Variants in FCRL4 observed in about 807,000 individuals in gnomAD.
FCRL4 encodes the protein Fc receptor-like protein 4.
A neutral mutation model predicts 64.1 loss-of-function variants in FCRL4; 43 were observed. That is an observed-to-expected ratio of 0.67 (90% CI 0.53 to 0.87). The LOEUF (loss-of-function observed/expected upper bound fraction) is 0.87, where lower values mean the gene tolerates loss of function less well. Ranked by LOEUF, FCRL4 falls within the 40% of genes least tolerant of loss-of-function variation. FCRL4 has a pLI of 0.00. For synonymous variants in FCRL4, 253 were observed against 239.8 expected, an observed-to-expected ratio of 1.05 and a Z score of -0.51; for missense variants, 656 against 613.5, an observed-to-expected ratio of 1.07 and a Z score of -0.73.
At chr1:157,589,606 G>C in intron 2 of FCRL4, 148 bp from the exon 3 acceptor site, 4 of 965,222 alleles carry the variant, frequency 4.1e-6, no homozygotes, top group Non-Finnish European at 6.0e-6. Flanking sequence ...CAGGTGAGCT[G>C]TGCTCACCTC....
chr1:157,593,625 C>T (rs1652888071), intron 2 of FCRL4, among the ~76,000 whole-genome samples: 1 of 152,110 alleles, frequency 6.6e-6, no homozygotes, highest in East Asian at 1.9e-4. Context: ...TTTGCAGCTT[C>T]TTAGTGGGTT....
Position 157,598,023 on chromosome 1 carries a change from C to T in FCRL4, c.-79G>A. 4 of 1,031,508 alleles carry T rather than the reference C, an allele frequency of 3.9e-6. No homozygotes were observed. Among genetic ancestry groups the T allele is most frequent in the Non-Finnish European group, 6.1e-6 (4 of 657,428 alleles). 63.9% of individuals were successfully genotyped at this position (1,031,508 alleles called of 1,614,324 possible). A position where few individuals can be genotyped will look rare whatever the true frequency, so the allele number is the denominator to read the frequency against. On this transcript the variant is annotated 5_prime_UTR_variant, in exon 1 of 12. It removes the in-frame stop codon of an upstream open reading frame in the 5' UTR. Coordinates refer to ENST00000271532, the MANE Select transcript of FCRL4 (RefSeq NM_031282.3). ...CCCAGATTGCCAAAGCAGCACTTGC[C>T]TACACCAGCACCAGCAGTGAGCTCA... is the stretch of plus-strand genomic sequence containing the variant.
intron 5 of FCRL4, 66 bp downstream of exon 5, chr1:157,587,209 TC>T (rs1652720287): frequency 6.4e-7 from 1 of 1,552,666 alleles, no homozygotes; most frequent in Non-Finnish European, 8.8e-7. Flanking sequence ...TGCTACATAG[TC>T]CCCATGCCTA....
chr1:157,579,769 A>G (rs1652520479), intron 8 of FCRL4, among the ~76,000 whole-genome samples: 1 of 151,646 alleles, frequency 6.6e-6, no homozygotes. Flanking sequence ...TTACATTGTA[A>G]TGTCTGTACA....
chr1:157,585,414 C>CCTTCTTTCTTTCTTTCCTTT (rs1652668657), intron 6 of FCRL4, among the ~76,000 whole-genome samples: 1 of 114,482 alleles, frequency 8.7e-6, no homozygotes, highest in East Asian at 2.6e-4. Context: ...TTCTTTCTTT[C>CCTTCTTTCTTTCTTTCCTTT]TTTCTTTCCT....
At chr1:157,583,542 C>T (rs944469906) in intron 6 of FCRL4, among the ~76,000 whole-genome samples, 1 of 152,130 alleles carries the variant, frequency 6.6e-6, no homozygotes, top group Non-Finnish European at 1.5e-5. Flanking sequence ...AGAAGAAACA[C>T]CAGAAAGGTT....
In FCRL4 at chr1:157,590,323, C is replaced by T. The variant is rs141854194; in HGVS notation, c.53-865G>A. 6.0e-4 allele frequency among the ~76,000 whole-genome samples: 91 copies of T among 152,140 alleles called. 2 individuals carry two copies. The highest frequency in any genetic ancestry group is 2.1e-3 in the African/African-American group (89 of 41,512). On this transcript the variant is annotated intron_variant, in intron 2 of 11. Coordinates refer to ENST00000271532, the MANE Select transcript of FCRL4 (RefSeq NM_031282.3). ...AACCAAAAATCTGAAATATGAAATG[C>T]TCCAATGAGCATTTCTTTTGATCAT...
Position 157,589,409 on chromosome 1 carries a change from G to C in FCRL4, c.102C>G (p.Phe34Leu), listed in dbSNP as rs1171226136. Reference protein sequence around the residue: ...VISVHPPWTTFFKGERVTLTC... With the variant: ...VISVHPPWTTLFKGERVTLTC... ...TCAGAGTCACTCTCTCTCCTTTGAA[G>C]AATGTGGTCCATGGAGGATGGACGG... The change falls in exon 3 of 12, where the codon TTC becomes TTG. Residue 34 changes from phenylalanine to leucine, a missense_variant. Physicochemically the swap from Phe to Leu is conservative, Grantham distance 22. Transcript: ENST00000271532. The C allele has an allele frequency of 1.2e-6, 2 of 1,614,208 alleles. No individual in the cohort carries two copies. Among genetic ancestry groups the C allele is most frequent in the Admixed American group, 3.3e-5 (2 of 60,026 alleles).
Position 157,589,221 on chromosome 1 carries a change from C to A in FCRL4, c.290G>T (p.Arg97Leu), listed in dbSNP as rs200366937. 2 of 1,613,690 alleles carry A rather than the reference C, an allele frequency of 1.2e-6. No individual in the cohort carries two copies. The highest frequency in any genetic ancestry group is 2.2e-5 in the East Asian group (1 of 44,850). The part of the protein sequence containing the change: ...ARGSPRSNPV[R>L]LLFSSDSLIL... The stretch of plus-strand genomic sequence containing the variant: ...TTTCTCACCTGAAGAAAAGAGCAAG[C>A]GCACAGGGTTACTTCGTGGGGAGCC... The change falls in exon 3 of 12, where the codon CGC (arginine) becomes CTC (leucine). Residue 97 changes from arginine (R) to leucine (L), a missense_variant. By Grantham distance (102) the Arg-to-Leu change is moderately radical (BLOSUM62 -2). Coordinates refer to ENST00000271532, the MANE Select transcript of FCRL4 (RefSeq NM_031282.3).
At chr1:157,593,220 G>A (rs1652877848) in intron 2 of FCRL4, among the ~76,000 whole-genome samples, 1 of 152,082 alleles carries the variant, frequency 6.6e-6, no homozygotes, top group Admixed American at 6.6e-5. Flanking sequence ...ATGTATCTTA[G>A]AACTTATAGT....
At chr1:157,580,457 C>T (rs1652535675) in intron 7 of FCRL4, 109 bp from the exon 8 acceptor site, 8 of 1,132,288 alleles carry the variant, frequency 7.1e-6, no homozygotes, top group South Asian at 3.8e-5. Context: ...TCAATTCAAA[C>T]ACCTGCCCAG....
In FCRL4 at chr1:157,578,770, C is replaced by G; in HGVS notation, c.1360G>C (p.Val454Leu). The change falls in exon 9 of 12, where the codon GTA (valine) becomes CTA (leucine). Residue 454 changes from valine to leucine, a missense_variant and splice_region_variant. Physicochemically the swap from Val to Leu is conservative, Grantham distance 32. Coordinates refer to ENST00000271532, the MANE Select transcript of FCRL4 (RefSeq NM_031282.3). ...CAGCTTCCTAGAAGGGAATCCTCAC[C>G]ATCAACATACAACGACTGAAGCTCC... ...QVELQSLYVD[V>L]HPKKGDLVYS... The G allele has an allele frequency of 1.9e-6, 3 of 1,613,740 alleles. No homozygotes were observed. The highest frequency in any genetic ancestry group is 1.7e-6 in the Non-Finnish European group (2 of 1,179,742).
At position 157,574,831 on chromosome 1, in the gene FCRL4, T is replaced by C. The variant is rs1475342797; in HGVS notation, c.*693A>G. The C allele has an allele frequency of 2.4e-5, 5 of 209,010 alleles. No individual in the cohort carries two copies. The highest frequency in any genetic ancestry group is 1.9e-4 in the South Asian group (1 of 5,312). 12.9% of individuals were successfully genotyped at this position (209,010 alleles called of 1,614,324 possible). On this transcript the variant is annotated 3_prime_UTR_variant, in exon 12 of 12. Transcript: ENST00000271532. ...GTTTTTAATTTTATATTTGTGTCTC[T>C]TTTCTCTAATGTTGCAAATCTTTGT...
At chr1:157,595,854 CAG>C (rs1453516060) in intron 2 of FCRL4, among the ~76,000 whole-genome samples, 1 of 152,174 alleles carries the variant, frequency 6.6e-6, no homozygotes, top group Non-Finnish European at 1.5e-5. Flanking sequence ...GATGGAGACT[CAG>C]AGTCATCATA....
intron 6 of FCRL4, among the ~76,000 whole-genome samples, chr1:157,582,777 G>A (rs1320780340): frequency 6.6e-6 from 1 of 152,194 alleles, no homozygotes; most frequent in Admixed American, 6.5e-5. Context: ...TCAGTGGACA[G>A]CCAGCCCAGC....
intron 4 of FCRL4, 59 bp from the exon 5 acceptor site, chr1:157,587,619 A>G: frequency 6.4e-7 from 1 of 1,551,746 alleles, no homozygotes; most frequent in South Asian, 1.2e-5. Context: ...TCTGTGAGAG[A>G]CAGGTTTGGA....
rs778793346 is a variant in FCRL4 at position 157,581,659 on chromosome 1, C to G, written c.1136-15G>C. The stretch of plus-strand genomic sequence containing the variant: ...GCCTGGGGTCTCTAAGGGGAAAGGA[C>G]CTGTGTGAATCTCAGTGGAGAGGTT... On this transcript the variant is annotated splice_polypyrimidine_tract_variant and intron_variant, in intron 6 of 11. Coordinates refer to ENST00000271532, the MANE Select transcript of FCRL4 (RefSeq NM_031282.3). 6.2e-7 allele frequency: 1 copy of G among 1,603,358 alleles called. No homozygotes were observed. The highest frequency in any genetic ancestry group is 1.1e-5 in the South Asian group (1 of 90,630).
At chr1:157,576,216 C>G (rs187866560) in intron 10 of FCRL4, among the ~76,000 whole-genome samples, 4 of 152,246 alleles carry the variant, frequency 2.6e-5, no homozygotes, top group Admixed American at 6.5e-5. Flanking sequence ...GTAAGTTTAG[C>G]AGATGTGATT....
At chr1:157,576,067 C>T (rs1475917945) in intron 10 of FCRL4, among the ~76,000 whole-genome samples, 1 of 152,154 alleles carries the variant, frequency 6.6e-6, no homozygotes, top group East Asian at 1.9e-4. Flanking sequence ...TGTCATCTCA[C>T]CACCCCCGAT....
Sources: allele counts gnomAD v4.1 joint callset (sites outside exome capture counted in the v4.1 genomes callset), GRCh38; gene constraint gnomAD v4.1.1; transcripts MANE v1.5; gene names NCBI Gene and HGNC (gene_info 2026-07-23, HGNC 2026-07-21).